KIF16B: variants seen among roughly 807,000 people sequenced by gnomAD.
The protein encoded by KIF16B is kinesin-like protein KIF16B.
In KIF16B, 98 loss-of-function variants were observed where a neutral mutation model predicts 156.3. The ratio of observed to expected loss-of-function variants is 0.63; its 90% confidence interval spans 0.53 to 0.74. KIF16B has a LOEUF of 0.74. KIF16B is among the 30% of genes least tolerant of loss of function. The pLI is 0.00. For missense variants in KIF16B, 1,421 were observed against 1,606.5 expected, an observed-to-expected ratio of 0.88 and a Z score of 1.97; for synonymous variants, 564 against 583.7, an observed-to-expected ratio of 0.97 and a Z score of 0.49.
chr20:16,453,801 T>C (rs1185862384), intron 12 of KIF16B, among the ~76,000 whole-genome samples: 2 of 152,210 alleles, frequency 1.3e-5, no homozygotes, highest in African/African-American at 2.4e-5. Flanking sequence ...AATTTTTAGT[T>C]TGATAACACC....
intron 17 of KIF16B, among the ~76,000 whole-genome samples, chr20:16,400,981 T>C (rs6043924): frequency 0.48 from 73,669 of 152,050 alleles, 18,956 homozygotes; most frequent in East Asian, 0.69. Flanking sequence ...GGGAAGAATG[T>C]TAACTGAAGA....
Position 16,326,084 on chromosome 20 carries a change from T to C in KIF16B, c.3711+9842A>G, listed in dbSNP as rs564891866. Reference sequence around the variant, plus strand: ...TATTCAACAAATGGGGCTGGGATAATTGGCAAGCCACAGGTAGAAGAATGA... The same window carrying C: ...TATTCAACAAATGGGGCTGGGATAACTGGCAAGCCACAGGTAGAAGAATGA... On this transcript the variant is annotated intron_variant, in intron 24 of 25. Transcript: ENST00000354981. Among the ~76,000 whole-genome samples the C allele has an allele frequency of 3.3e-5, 5 of 152,166 alleles. No homozygotes were observed. The East Asian group carries it at 9.6e-4, about 29-fold the overall frequency.
At chr20:16,337,172 C>T (rs1169580118) in intron 23 of KIF16B, among the ~76,000 whole-genome samples, 2 of 152,190 alleles carry the variant, frequency 1.3e-5, no homozygotes, top group Non-Finnish European at 2.9e-5. Flanking sequence ...TTCTCTGCCA[C>T]CTCAGGGCCT....
intron 12 of KIF16B, among the ~76,000 whole-genome samples, chr20:16,443,127 G>A (rs1244932152): frequency 6.6e-6 from 1 of 152,140 alleles, no homozygotes; most frequent in East Asian, 1.9e-4. Context: ...TTCCAGATTA[G>A]AGATGCTCAA....
At chr20:16,334,022 TAGA>T (rs1195492178) in intron 24 of KIF16B, among the ~76,000 whole-genome samples, 1 of 152,240 alleles carries the variant, frequency 6.6e-6, no homozygotes, top group Non-Finnish European at 1.5e-5. Context: ...TTAAGATATA[TAGA>T]AGAAGAAATT....
At chr20:16,554,468 A>AGT (rs2070775581) in intron 1 of KIF16B, among the ~76,000 whole-genome samples, 1 of 152,058 alleles carries the variant, frequency 6.6e-6, no homozygotes, top group Non-Finnish European at 1.5e-5. Flanking sequence ...CCTGCCTGCT[A>AGT]CCCAGTGCGG....
chr20:16,561,611 GA>G (rs150105938), intron 1 of KIF16B, among the ~76,000 whole-genome samples: 2,173 of 148,358 alleles, frequency 0.015, 18 homozygotes, highest in African/African-American at 0.023. Flanking sequence ...TTACAAACAG[GA>G]AAAAAAAAAT....
intron 16 of KIF16B, 40 bp downstream of exon 16, chr20:16,406,334 A>G (rs1204110986): frequency 6.4e-7 from 1 of 1,561,152 alleles, no homozygotes; most frequent in Non-Finnish European, 8.8e-7. Context: ...ATCCTCACAT[A>G]CGATCAGTGG....
intron 1 of KIF16B, among the ~76,000 whole-genome samples, chr20:16,549,572 G>A (rs1359117929): frequency 1.3e-5 from 2 of 152,038 alleles, no homozygotes; most frequent in Non-Finnish European, 2.9e-5. Context: ...GGGATGGCTG[G>A]GTCAAATGGT....
intron 12 of KIF16B, 55 bp downstream of exon 12, chr20:16,494,233 AAAG>A: frequency 9.5e-7 from 1 of 1,057,848 alleles, no homozygotes; most frequent in Non-Finnish European, 1.4e-6. Context: ...AAAAAAAAAA[AAAG>A]TTTTACCAGT....
intron 12 of KIF16B, among the ~76,000 whole-genome samples, chr20:16,449,603 C>A (rs6105604): frequency 0.038 from 5,826 of 152,172 alleles, 392 homozygotes; most frequent in African/African-American, 0.13. Flanking sequence ...TGGTCTAAAC[C>A]GAGTGGAAGC....
chr20:16,450,987 C>T (rs1245733060), intron 12 of KIF16B, among the ~76,000 whole-genome samples: 1 of 152,202 alleles, frequency 6.6e-6, no homozygotes, highest in Non-Finnish European at 1.5e-5. Flanking sequence ...GAGTGCCGCG[C>T]ATCTTCTGTC....
At chr20:16,436,921 T>G (rs1281192893) in intron 12 of KIF16B, among the ~76,000 whole-genome samples, 1 of 152,160 alleles carries the variant, frequency 6.6e-6, no homozygotes, top group Non-Finnish European at 1.5e-5. Context: ...GGGCAAACAG[T>G]CATCCCTTGA....
chr20:16,325,081 G>A (rs754770293), intron 24 of KIF16B, among the ~76,000 whole-genome samples: 3 of 151,894 alleles, frequency 2.0e-5, no homozygotes, highest in Non-Finnish European at 4.4e-5. Flanking sequence ...TGCAGAAAAG[G>A]GATTTGACAA....
chr20:16,334,157 A>T (rs564701161), intron 24 of KIF16B, among the ~76,000 whole-genome samples: 1 of 152,192 alleles, frequency 6.6e-6, no homozygotes, highest in African/African-American at 2.4e-5. Flanking sequence ...GTGTGTGTGT[A>T]TATAAAGTCT....
intron 1 of KIF16B, among the ~76,000 whole-genome samples, chr20:16,572,793 C>T (rs544906493): frequency 6.6e-6 from 1 of 152,320 alleles, no homozygotes; most frequent in Non-Finnish European, 1.5e-5. Flanking sequence ...GAATCAAAAT[C>T]ATCTCTAACT....
chr20:16,351,849 C>T (rs575263837), intron 23 of KIF16B, among the ~76,000 whole-genome samples: 1 of 152,164 alleles, frequency 6.6e-6, no homozygotes, highest in Non-Finnish European at 1.5e-5. Flanking sequence ...TTTGTATCAT[C>T]AGGTAAGAAT....
chr20:16,278,373 T>A (rs2063095901), intron 25 of KIF16B, among the ~76,000 whole-genome samples: 1 of 152,240 alleles, frequency 6.6e-6, no homozygotes. Flanking sequence ...ATAAGAAATA[T>A]ATCAGATATC....
chr20:16,410,094 C>CAT (rs34212669), intron 15 of KIF16B, among the ~76,000 whole-genome samples: 15 of 67,340 alleles, frequency 2.2e-4, no homozygotes, highest in South Asian at 9.7e-4. Flanking sequence ...TATGTAGGTA[C>CAT]ATATATATAT....
Sources: allele counts gnomAD v4.1 joint callset (sites outside exome capture counted in the v4.1 genomes callset), GRCh38; gene constraint gnomAD v4.1.1; transcripts MANE v1.5; gene names NCBI Gene and HGNC (gene_info 2026-07-23, HGNC 2026-07-21).